ADAM28: variants seen among roughly 807,000 people sequenced by gnomAD.
ADAM28 encodes the protein disintegrin and metalloproteinase domain-containing protein 28.
ADAM28 carries 105 observed loss-of-function variants against 101.2 expected under a neutral mutation model. The ratio of observed to expected loss-of-function variants is 1.04; its 90% CI spans 0.89 to 1.22. The LOEUF (loss-of-function observed/expected upper bound fraction) is 1.22. Ranked by LOEUF, ADAM28 falls within the 50% of genes most tolerant of loss-of-function variation. The pLI, the probability that ADAM28 is intolerant of heterozygous loss-of-function variation, is 0.00. For missense variants in ADAM28, 1,028 were observed against 945.4 expected, an observed-to-expected ratio of 1.09 and a Z score of -1.15; for synonymous variants, 322 against 310.6, an observed-to-expected ratio of 1.04 and a Z score of -0.39.
intron 6 of ADAM28, among the ~76,000 whole-genome samples, chr8:24,313,819 G>A (rs1190884436): frequency 6.7e-6 from 1 of 148,842 alleles, no homozygotes; most frequent in Non-Finnish European, 1.5e-5. Flanking sequence ...GTGCAATGGT[G>A]TGATCTTGGC....
At chr8:24,341,256 C>CA (rs1033511002) in intron 15 of ADAM28, 18 of 193,298 alleles carry the variant, frequency 9.3e-5, no homozygotes, top group South Asian at 2.8e-4. Context: ...CTCCAATCAG[C>CA]AAAAAATGAG....
chr8:24,357,659 T>G lies in ADAM28; in HGVS notation c.*3255T>G, dbSNP rs1021013355. Reference sequence around the variant, plus strand: ...ATTATAGCAATTAAAAAAATGAGATTTGGGGGGATGGACACAGAGCCAAAC... The same window carrying G: ...ATTATAGCAATTAAAAAAATGAGATGTGGGGGGATGGACACAGAGCCAAAC... On this transcript the variant is annotated 3_prime_UTR_variant, in exon 23 of 23. Transcript: ENST00000265769. 6.6e-6 allele frequency: 1 copy of G among 152,056 alleles called. No individual in the cohort carries two copies. Among genetic ancestry groups the G allele is most frequent in the African/African-American group, 2.4e-5 (1 of 41,404 alleles). The allele number at this position is 152,056 out of a possible 1,614,324, so 9.4% of individuals were successfully genotyped here.
intron 14 of ADAM28, among the ~76,000 whole-genome samples, chr8:24,339,151 C>G (rs1814452225): frequency 6.6e-6 from 1 of 152,030 alleles, no homozygotes; most frequent in Non-Finnish European, 1.5e-5. Context: ...TGATGGAGAT[C>G]TGAGGAAGAT....
intron 8 of ADAM28, among the ~76,000 whole-genome samples, chr8:24,323,149 G>A (rs550657123): frequency 6.6e-6 from 1 of 151,972 alleles, no homozygotes; most frequent in Non-Finnish European, 1.5e-5. Flanking sequence ...CTTGGAGACA[G>A]CTGCCTTCTC....
chr8:24,354,420 A>G lies in ADAM28; in HGVS notation c.*16A>G. 1 of 1,603,650 alleles carries G rather than the reference A, an allele frequency of 6.2e-7. No individual in the cohort carries two copies. Among genetic ancestry groups the G allele is most frequent in the Non-Finnish European group, 8.5e-7 (1 of 1,174,282 alleles). ...AAAAGCATGAAGCAACAGCTAAGCA[A>G]GAACTAATGGCTAAATTATCAACTT... On this transcript the variant is annotated 3_prime_UTR_variant, in exon 23 of 23. Coordinates refer to ENST00000265769, the MANE Select transcript of ADAM28 (RefSeq NM_014265.6).
At chr8:24,320,907 T>C (rs1164621670) in intron 7 of ADAM28, among the ~76,000 whole-genome samples, 1 of 151,988 alleles carries the variant, frequency 6.6e-6, no homozygotes, top group Non-Finnish European at 1.5e-5. Flanking sequence ...CTTAAATTAA[T>C]AAGATATTCC....
intron 4 of ADAM28, 99 bp from the exon 5 acceptor site, chr8:24,311,262 G>T: frequency 2.5e-6 from 2 of 808,792 alleles, no homozygotes; most frequent in East Asian, 2.6e-5. Context: ...AATATTGTTT[G>T]AAAGCATTTA....
intron 2 of ADAM28, among the ~76,000 whole-genome samples, chr8:24,301,582 T>G (rs770398599): frequency 6.6e-6 from 1 of 152,228 alleles, no homozygotes; most frequent in African/African-American, 2.4e-5. Context: ...AGTGGAGAGA[T>G]AGGGGCTCAG....
intron 2 of ADAM28, among the ~76,000 whole-genome samples, chr8:24,300,645 T>C: frequency 6.6e-6 from 1 of 152,144 alleles, no homozygotes; most frequent in Admixed American, 6.5e-5. Context: ...TTCTATCTCC[T>C]GACCTTGTGA....
intron 18 of ADAM28, 99 bp from the exon 19 acceptor site, chr8:24,349,764 AG>A (rs1815843331): frequency 1.2e-6 from 1 of 808,634 alleles, no homozygotes; most frequent in Admixed American, 2.2e-5. Context: ...ATTGGAGAAA[AG>A]GGTAGCTGGA....
intron 20 of ADAM28, 25 bp downstream of exon 20, chr8:24,351,335 A>G: frequency 2.5e-6 from 4 of 1,599,292 alleles, no homozygotes; most frequent in Non-Finnish European, 3.4e-6. Context: ...CTGGGCTGTG[A>G]TTACCATGGC....
intron 2 of ADAM28, chr8:24,300,975 CATTT>C (rs1225102186): frequency 1.4e-4 from 21 of 152,244 alleles, no homozygotes; most frequent in African/African-American, 4.8e-4. Context: ...ACTCAATAAA[CATTT>C]ATTAATTCTA....
intron 2 of ADAM28, among the ~76,000 whole-genome samples, chr8:24,306,190 C>A (rs184084155): frequency 0.03 from 4,591 of 150,606 alleles, 229 homozygotes; most frequent in African/African-American, 0.11. Flanking sequence ...TACACACACA[C>A]AAATTAGCTG....
intron 6 of ADAM28, among the ~76,000 whole-genome samples, chr8:24,315,484 C>T (rs1475186218): frequency 6.6e-6 from 1 of 151,896 alleles, no homozygotes; most frequent in East Asian, 1.9e-4. Flanking sequence ...AAAGCCTGAA[C>T]AGACCAATAA....
intron 4 of ADAM28, 34 bp downstream of exon 4, chr8:24,310,275 G>T: frequency 1.3e-6 from 2 of 1,590,972 alleles, no homozygotes; most frequent in South Asian, 2.2e-5. Context: ...TTTAATTAGG[G>T]TTTTACCCAC....
chr8:24,325,489 A>G (rs1234886081), intron 9 of ADAM28, among the ~76,000 whole-genome samples: 3 of 151,958 alleles, frequency 2.0e-5, no homozygotes, highest in Admixed American at 2.0e-4. Context: ...AAATGAACGA[A>G]ATGTTATTTT....
intron 9 of ADAM28, among the ~76,000 whole-genome samples, chr8:24,324,712 C>T (rs1812314728): frequency 6.6e-6 from 1 of 151,914 alleles, no homozygotes; most frequent in Admixed American, 6.6e-5. Context: ...TCTTCACTTA[C>T]ATAATTGGTG....
intron 2 of ADAM28, among the ~76,000 whole-genome samples, chr8:24,309,083 A>G (rs2129260745): frequency 6.6e-6 from 1 of 152,340 alleles, no homozygotes; most frequent in Non-Finnish European, 1.5e-5. Flanking sequence ...GACCAAAGTC[A>G]GAACTTAGTA....
At position 24,320,256 on chromosome 8, in the gene ADAM28, T is replaced by A. The variant is rs759885115; in HGVS notation, c.597T>A (p.Val199=). 1.2e-6 allele frequency: 2 copies of A among 1,601,342 alleles called. No individual in the cohort carries two copies. The highest frequency in any genetic ancestry group is 1.7e-6 in the Non-Finnish European group (2 of 1,170,344). Residue 199 remains valine (V), a synonymous_variant, in exon 7 of 23, where the codon GTT becomes GTA. Coordinates refer to ENST00000265769, the MANE Select transcript of ADAM28 (RefSeq NM_014265.6). ...TKLVKLKDRK[V]QEHEKYIEYY... ...TTCAGAAATTGAAAGACAGGAAGGT[T>A]CAGGAACATGAGAAATACATAGAAT...
Sources: gnomAD v4.1 joint callset for allele counts (sites outside exome capture counted in the v4.1 genomes callset) on GRCh38, gnomAD v4.1.1 for gene constraint, MANE v1.5 for transcripts, NCBI Gene and HGNC (gene_info 2026-07-23, HGNC 2026-07-21) for gene names.